ASXL3: variants seen among roughly 807,000 people sequenced by gnomAD.
ASXL3 encodes the protein ASXL transcriptional regulator 3.
ASXL3 carries 34 observed loss-of-function variants against 170.6 expected under a neutral mutation model. The observed-to-expected ratio is 0.20, with a 90% CI of 0.15 to 0.27. The LOEUF is 0.27. Among genes scored for constraint, ASXL3 ranks in the 10% least tolerant of loss-of-function variants. The pLI is 1.00. For synonymous variants in ASXL3, 1,002 were observed against 989.1 expected (o/e 1.01, Z -0.24); for missense variants, 2,592 against 2,695.3 (o/e 0.96, Z 0.85).
chr18:33,739,437 C>T lies in ASXL3; in HGVS notation c.2033C>T (p.Ser678Leu). The T allele has an allele frequency of 6.2e-7, 1 of 1,613,936 alleles. No individual in the cohort carries two copies. The highest frequency in any genetic ancestry group is 8.5e-7 in the Non-Finnish European group (1 of 1,179,870). ...GAAAACTTTCATGCATCTTTGATGTCAGAAATATCTCCAATATCCACTTCA... is the reference window on the plus strand; with the variant it reads ...GAAAACTTTCATGCATCTTTGATGTTAGAAATATCTCCAATATCCACTTCA... ...TDENFHASLM[S>L]EISPISTSPE... Residue 678 changes from serine (S) to leucine (L), a missense_variant, in exon 11 of 12, where the codon TCA (serine) becomes TTA (leucine). Around this residue, in one of 4 missense-constraint regions of ASXL3, gnomAD observed 2,246 missense variants for 2,219.6 expected, o/e 1.01. Coordinates refer to ENST00000269197, the MANE Select transcript of ASXL3 (RefSeq NM_030632.3).
rs868649790 is a variant in ASXL3, at chr18:33,748,968, G to T, written c.*2373G>T. 9 of 152,104 alleles carry T rather than the reference G, an allele frequency of 5.9e-5. No homozygotes were observed. Among genetic ancestry groups the T allele is most frequent in the Non-Finnish European group, 8.8e-5 (6 of 67,990 alleles). The allele number at this position is 152,104 out of a possible 1,614,324, so 9.4% of individuals were successfully genotyped here. ...AGTTGCTTATTGGGAATAAGAAAAAGTGTCCTTCTGTATGTTTTGATTTTT... is the reference window on the plus strand; with the variant it reads ...AGTTGCTTATTGGGAATAAGAAAAATTGTCCTTCTGTATGTTTTGATTTTT... On this transcript the variant is annotated 3_prime_UTR_variant, in exon 12 of 12. Coordinates refer to ENST00000269197, the MANE Select transcript of ASXL3 (RefSeq NM_030632.3).
At chr18:33,645,366 ACCTGTATGC>A (rs2065902191) in intron 3 of ASXL3, among the ~76,000 whole-genome samples, 1 of 151,846 alleles carries the variant, frequency 6.6e-6, no homozygotes, top group South Asian at 2.1e-4. Context: ...CAGGCTTCAC[ACCTGTATGC>A]CCTTGTCTTT....
At position 33,745,451 on chromosome 18, in the gene ASXL3, T is replaced by C; in HGVS notation, c.5603T>C (p.Leu1868Pro). ...GTCATCAGTTCCGGCATCAGTCAGCTAGGACACAGCCAGCCATTTAAGCAA... is the reference window on the plus strand; with the variant it reads ...GTCATCAGTTCCGGCATCAGTCAGCCAGGACACAGCCAGCCATTTAAGCAA... Reference protein sequence around the residue: ...PCVISSGISQLGHSQPFKQEW... With the variant: ...PCVISSGISQPGHSQPFKQEW... Residue 1868 changes from leucine to proline, a missense_variant, in exon 12 of 12, where the codon CTA becomes CCA. Transcript: ENST00000269197. 2 of 1,614,026 alleles carry C rather than the reference T, an allele frequency of 1.2e-6. No homozygotes were observed. The highest frequency in any genetic ancestry group is 1.7e-6 in the Non-Finnish European group (2 of 1,179,902).
At chr18:33,595,083 C>A (rs996957878) in intron 1 of ASXL3, among the ~76,000 whole-genome samples, 5 of 152,048 alleles carry the variant, frequency 3.3e-5, no homozygotes, top group Admixed American at 3.3e-4. Context: ...TCTTAGGATA[C>A]CTGCTTCATA....
At chr18:33,620,208 GTTC>G (rs1346857956) in intron 2 of ASXL3, among the ~76,000 whole-genome samples, 1 of 152,138 alleles carries the variant, frequency 6.6e-6, no homozygotes, top group Non-Finnish European at 1.5e-5. Context: ...TCATAATGTA[GTTC>G]TTCTCTAGCA....
At chr18:33,727,899 A>T (rs565260134) in intron 8 of ASXL3, among the ~76,000 whole-genome samples, 2 of 152,288 alleles carry the variant, frequency 1.3e-5, no homozygotes, top group South Asian at 4.1e-4. Flanking sequence ...TCTGGCAGTT[A>T]AAATTATTTT....
At chr18:33,640,674 A>C (rs754928428) in intron 2 of ASXL3, among the ~76,000 whole-genome samples, 5 of 152,100 alleles carry the variant, frequency 3.3e-5, no homozygotes, top group South Asian at 2.1e-4. Context: ...CCTGAGACCC[A>C]CCTAACTTAC....
intron 8 of ASXL3, among the ~76,000 whole-genome samples, chr18:33,707,168 T>A (rs1428324165): frequency 6.6e-6 from 1 of 151,998 alleles, no homozygotes; most frequent in African/African-American, 2.4e-5. Flanking sequence ...CTTGTAGAGG[T>A]AGCTCACTAT....
chr18:33,682,863 T>A (rs1300172238), intron 7 of ASXL3, among the ~76,000 whole-genome samples: 1 of 152,176 alleles, frequency 6.6e-6, no homozygotes, highest in Non-Finnish European at 1.5e-5. Flanking sequence ...AAGGTTTTTT[T>A]AAAACAATGC....
intron 2 of ASXL3, among the ~76,000 whole-genome samples, chr18:33,613,325 A>G (rs1462223332): frequency 2.0e-5 from 3 of 152,022 alleles, no homozygotes; most frequent in African/African-American, 7.2e-5. Flanking sequence ...TTATTGCACT[A>G]TCTTCTTATC....
At position 33,746,067 on chromosome 18, in the gene ASXL3, G is replaced by A. The variant is rs911482017; in HGVS notation, c.6219G>A (p.Thr2073=). Reference sequence around the variant, plus strand: ...AGAGACTTAGTTGGCCACAGTCCACGGGCATATGTAGCAATATAAAATCGG... The same window carrying A: ...AGAGACTTAGTTGGCCACAGTCCACAGGCATATGTAGCAATATAAAATCGG... The part of the protein sequence containing the change: ...TTKRLSWPQS[T]GICSNIKSEP... The change falls in exon 12 of 12, where the codon ACG becomes ACA. Residue 2073 remains threonine (T), a synonymous_variant. Transcript: ENST00000269197. The A allele has an allele frequency of 1.9e-6, 3 of 1,613,062 alleles. No homozygotes were observed. The highest frequency in any genetic ancestry group is 1.3e-5 in the African/African-American group (1 of 74,842).
intron 8 of ASXL3, among the ~76,000 whole-genome samples, chr18:33,690,792 TCTC>T (rs1027695569): frequency 1.3e-5 from 2 of 152,236 alleles, no homozygotes; most frequent in Admixed American, 6.5e-5. Context: ...ATGTGGATGG[TCTC>T]CTCATCACAC....
intron 2 of ASXL3, among the ~76,000 whole-genome samples, chr18:33,635,089 T>G (rs552597984): frequency 3.9e-5 from 6 of 152,268 alleles, no homozygotes; most frequent in African/African-American, 1.4e-4. Flanking sequence ...GAGAGAAACA[T>G]GCTGAGAGGC....
chr18:33,617,309 C>T (rs551373699), intron 2 of ASXL3, among the ~76,000 whole-genome samples: 18 of 152,046 alleles, frequency 1.2e-4, no homozygotes, highest in African/African-American at 4.1e-4. Context: ...CTGGCCAACA[C>T]GGTGAAACCC....
chr18:33,669,063 T>C (rs902883676), intron 5 of ASXL3, among the ~76,000 whole-genome samples: 6 of 152,338 alleles, frequency 3.9e-5, no homozygotes, highest in South Asian at 2.1e-4. Flanking sequence ...ATGGACTTAA[T>C]TGTAATTTAA....
chr18:33,646,397 A>G (rs745570636), intron 4 of ASXL3, 44 bp downstream of exon 4: 2 of 1,397,890 alleles, frequency 1.4e-6, no homozygotes, highest in Non-Finnish European at 2.0e-6. Flanking sequence ...GTTCTCTTAA[A>G]AGTTATATAG....
At position 33,739,227 on chromosome 18, in the gene ASXL3, T is replaced by A. The variant is rs972971697; in HGVS notation, c.1823T>A (p.Ile608Asn). The change falls in exon 11 of 12, where the codon ATC becomes AAC. Residue 608 changes from isoleucine (I) to asparagine (N), a missense_variant. Ile to Asn is a moderately radical substitution (Grantham distance 149). Coordinates refer to ENST00000269197, the MANE Select transcript of ASXL3 (RefSeq NM_030632.3). The part of the protein sequence containing the change: ...PEEQLSENAC[I>N]SETSFSSESP... ...GAACAGCTTTCAGAAAATGCCTGCA[T>A]CTCTGAAACGTCCTTTTCTTCTGAG... The A allele has an allele frequency of 3.7e-6, 6 of 1,613,746 alleles. No homozygotes were observed. The highest frequency in any genetic ancestry group is 1.3e-5 in the African/African-American group (1 of 74,916).
At chr18:33,708,912 A>ATGAT (rs2067007602) in intron 8 of ASXL3, among the ~76,000 whole-genome samples, 1 of 152,200 alleles carries the variant, frequency 6.6e-6, no homozygotes, top group Non-Finnish European at 1.5e-5. Context: ...CAGTTATATT[A>ATGAT]TGATTGAACA....
chr18:33,593,209 CTTCT>C (rs988889388), intron 1 of ASXL3, among the ~76,000 whole-genome samples: 2 of 147,836 alleles, frequency 1.4e-5, no homozygotes, highest in African/African-American at 2.5e-5. Flanking sequence ...TGTAACAATA[CTTCT>C]TTCTTTCTTT....
Sources: allele counts gnomAD v4.1 joint callset (sites outside exome capture counted in the v4.1 genomes callset), GRCh38; gene constraint gnomAD v4.1.1; regional missense constraint gnomAD v4.1.1; transcripts MANE v1.5; gene names NCBI Gene and HGNC (gene_info 2026-07-23, HGNC 2026-07-21).